Variants in PLLP observed in about 807,000 individuals in gnomAD.
PLLP encodes the protein plasmolipin.
In PLLP, 15 loss-of-function variants were observed where a neutral mutation model predicts 19.7. That is an observed-to-expected ratio of 0.76 (90% CI 0.51 to 1.17). The LOEUF is 1.17. PLLP is among the 50% of genes most tolerant of loss of function. The pLI is 0.00. For synonymous variants in PLLP, 111 were observed against 116.3 expected (o/e 0.95, Z 0.29); for missense variants, 255 against 258.3 (o/e 0.99, Z 0.09).
rs2075427769 is a variant in PLLP, at chr16:57,256,960, C to T, written c.502G>A (p.Val168Ile). The change falls in exon 4 of 4, where the codon GTA (valine) becomes ATA (isoleucine). Residue 168 changes from valine to isoleucine, a missense_variant. Coordinates refer to ENST00000219207, the MANE Select transcript of PLLP (RefSeq NM_015993.3). ...AFFSYQAWRGVGSNAATSQMA... is the reference protein window; with the variant it reads ...AFFSYQAWRGIGSNAATSQMA... ...TGACTGGTGGCCGCATTGCTGCCTA[C>T]TCCTCGCCAGGCCTGGTAGCTGAAG... is the stretch of plus-strand genomic sequence containing the variant. The T allele has an allele frequency of 1.2e-6, 2 of 1,614,030 alleles. No homozygotes were observed. Among genetic ancestry groups the T allele is most frequent in the Non-Finnish European group, 1.7e-6 (2 of 1,179,966 alleles).
At chr16:57,261,511 G>A (rs571574456) in intron 2 of PLLP, among the ~76,000 whole-genome samples, 3 of 152,170 alleles carry the variant, frequency 2.0e-5, no homozygotes, top group African/African-American at 7.2e-5. Context: ...GAGCCCAGGA[G>A]TTCAAGACCA....
intron 1 of PLLP, among the ~76,000 whole-genome samples, chr16:57,270,242 T>A (rs2075470255): frequency 1.3e-5 from 1 of 77,958 alleles, no homozygotes; most frequent in African/African-American, 5.4e-5. Flanking sequence ...CCCTGAGTCA[T>A]TCCCCAGCCC....
intron 1 of PLLP, among the ~76,000 whole-genome samples, chr16:57,279,561 A>G (rs1901193474): frequency 6.6e-6 from 1 of 151,922 alleles, no homozygotes; most frequent in Non-Finnish European, 1.5e-5. Context: ...GTCGTCCCAG[A>G]TACTCAGGAG....
intron 1 of PLLP, among the ~76,000 whole-genome samples, chr16:57,267,004 T>C (rs1191059439): frequency 6.6e-6 from 1 of 151,914 alleles, no homozygotes; most frequent in African/African-American, 2.4e-5. Context: ...AACGAAGAGA[T>C]GTTTTTGTTA....
At chr16:57,274,021 T>G (rs553687336) in intron 1 of PLLP, among the ~76,000 whole-genome samples, 2 of 152,330 alleles carry the variant, frequency 1.3e-5, no homozygotes, top group South Asian at 4.1e-4. Flanking sequence ...AGGGTCTCAC[T>G]CTGTTGCCCA....
intron 1 of PLLP, among the ~76,000 whole-genome samples, chr16:57,269,409 T>C (rs964430319): frequency 6.6e-6 from 1 of 152,130 alleles, no homozygotes; most frequent in African/African-American, 2.4e-5. Flanking sequence ...AGTGAGGAAA[T>C]TGGGGTACAG....
At chr16:57,258,396 C>A in intron 3 of PLLP, 66 bp downstream of exon 3, 1 of 1,555,330 alleles carries the variant, frequency 6.4e-7, no homozygotes. Flanking sequence ...TCAGACCAAG[C>A]GAGCAGCCTG....
At chr16:57,258,715 A>T in intron 2 of PLLP, 131 bp from the exon 3 acceptor site, 1 of 856,236 alleles carries the variant, frequency 1.2e-6, no homozygotes, top group South Asian at 1.5e-5. Flanking sequence ...TGAGCCCAGG[A>T]GTTAGAGACC....
intron 1 of PLLP, among the ~76,000 whole-genome samples, chr16:57,269,692 G>T (rs1285350047): frequency 6.6e-6 from 1 of 152,164 alleles, no homozygotes; most frequent in East Asian, 1.9e-4. Context: ...TGGCTGCTGG[G>T]AATGCAGGCC....
intron 1 of PLLP, among the ~76,000 whole-genome samples, chr16:57,271,300 G>A (rs1279819415): frequency 6.6e-6 from 1 of 152,066 alleles, no homozygotes; most frequent in Non-Finnish European, 1.5e-5. Context: ...TTGCTGTGAG[G>A]AGCCACTACC....
At chr16:57,280,499 T>TA (rs1219100613) in intron 1 of PLLP, among the ~76,000 whole-genome samples, 21 of 151,874 alleles carry the variant, frequency 1.4e-4, no homozygotes, top group Non-Finnish European at 2.4e-4. Context: ...CTTTTTTTTT[T>TA]AAAACCAAAA....
chr16:57,272,386 G>A lies in PLLP; in HGVS notation c.136-10316C>T, dbSNP rs541742745. 4.9e-3 allele frequency among the ~76,000 whole-genome samples: 742 copies of A among 152,276 alleles called. 7 individuals carry two copies. Among genetic ancestry groups the A allele is most frequent in the African/African-American group, 0.017 (714 of 41,536 alleles). ...GGCAGTGGCAGAACTCGAACCCAAGGCAGCTGGGATAACAAGAAGCTTATA... is the reference window on the plus strand; with the variant it reads ...GGCAGTGGCAGAACTCGAACCCAAGACAGCTGGGATAACAAGAAGCTTATA... On this transcript the variant is annotated intron_variant, in intron 1 of 3. Transcript: ENST00000219207.
At chr16:57,264,840 C>T (rs1375611446) in intron 1 of PLLP, among the ~76,000 whole-genome samples, 2 of 152,144 alleles carry the variant, frequency 1.3e-5, no homozygotes, top group African/African-American at 4.8e-5. Context: ...CAGCAAGACC[C>T]TGTCTCAAAA....
chr16:57,275,881 C>T (rs1332124733), intron 1 of PLLP, among the ~76,000 whole-genome samples: 4 of 152,064 alleles, frequency 2.6e-5, no homozygotes, highest in African/African-American at 7.2e-5. Context: ...TTTGGGAGGC[C>T]GAGGCAGGAG....
chr16:57,261,428 A>C (rs1326637829), intron 2 of PLLP, among the ~76,000 whole-genome samples: 1 of 152,068 alleles, frequency 6.6e-6, no homozygotes, highest in Non-Finnish European at 1.5e-5. Flanking sequence ...TCCCCAAAAA[A>C]CCGTGCACCT....
At chr16:57,268,540 G>T (rs2075464867) in intron 1 of PLLP, among the ~76,000 whole-genome samples, 1 of 152,160 alleles carries the variant, frequency 6.6e-6, no homozygotes. Context: ...ACCCAGGCTG[G>T]AGTGCAATGG....
intron 1 of PLLP, among the ~76,000 whole-genome samples, chr16:57,276,124 C>A (rs548365036): frequency 6.6e-6 from 1 of 151,896 alleles, no homozygotes; most frequent in East Asian, 2.0e-4. Context: ...CAACAAACAA[C>A]CCAAACACAT....
At chr16:57,263,872 T>C (rs2075449295) in intron 1 of PLLP, among the ~76,000 whole-genome samples, 1 of 152,162 alleles carries the variant, frequency 6.6e-6, no homozygotes, top group Admixed American at 6.5e-5. Context: ...AGGTGTCCTC[T>C]TTTTCCCCTG....
chr16:57,261,910 G>A lies in PLLP; in HGVS notation c.296C>T (p.Pro99Leu), dbSNP rs138971344. The change falls in exon 2 of 4, where the codon CCC (proline) becomes CTC (leucine). Residue 99 changes from proline (P) to leucine (L), a missense_variant. Pro to Leu is a moderately conservative substitution (Grantham distance 98). Coordinates refer to ENST00000219207, the MANE Select transcript of PLLP (RefSeq NM_015993.3). ...ACCCAGACTCACCACCAGTGGCCAG[G>A]GAACCATGTACAACTTCATGTGCAG... is the stretch of plus-strand genomic sequence containing the variant. ...FQLHMKLYMV[P>L]WPLVLMIFNI... The A allele has an allele frequency of 1.2e-6, 2 of 1,613,876 alleles. No homozygotes were observed. The highest frequency in any genetic ancestry group is 2.7e-5 in the African/African-American group (2 of 74,886).
Sources: allele counts gnomAD v4.1 joint callset (sites outside exome capture counted in the v4.1 genomes callset), GRCh38; gene constraint gnomAD v4.1.1; transcripts MANE v1.5; gene names NCBI Gene and HGNC (gene_info 2026-07-23, HGNC 2026-07-21).